Variants in SMAD3 observed in about 807,000 individuals in gnomAD.
SMAD3 encodes the protein MAD homolog 3.
In SMAD3, 12 loss-of-function variants were observed where a neutral mutation model predicts 51.8. The observed-to-expected ratio is 0.23, with a 90% CI of 0.15 to 0.38. SMAD3 has a LOEUF of 0.38. Among genes scored for constraint, SMAD3 ranks in the 10% least tolerant of loss-of-function variants. SMAD3 has a pLI of 1.00. For missense variants in SMAD3, 294 were observed against 565.6 expected (o/e 0.52, Z 4.87); for synonymous variants, 238 against 227.7 (o/e 1.05, Z -0.41).
intron 1 of SMAD3, among the ~76,000 whole-genome samples, chr15:67,149,465 A>T (rs554405449): frequency 2.6e-5 from 4 of 152,234 alleles, no homozygotes; most frequent in African/African-American, 9.6e-5. Context: ...TTAGGGATGC[A>T]GCTTTCAGAC....
chr15:67,109,415 T>C (rs934220945), intron 1 of SMAD3, among the ~76,000 whole-genome samples: 1 of 152,138 alleles, frequency 6.6e-6, no homozygotes, highest in African/African-American at 2.4e-5. Flanking sequence ...GTGGACCTCG[T>C]GGCCTGAGAG....
intron 1 of SMAD3, among the ~76,000 whole-genome samples, chr15:67,088,125 G>A (rs756816466): frequency 6.6e-5 from 10 of 152,204 alleles, no homozygotes; most frequent in Non-Finnish European, 1.5e-4. Context: ...CACCTTTATC[G>A]CAGGAGGAGT....
At position 67,141,743 on chromosome 15, in the gene SMAD3, G is replaced by A. The variant is rs75866685; in HGVS notation, c.207-23152G>A. Among the ~76,000 whole-genome samples the A allele has an allele frequency of 5.4e-3, 816 of 152,230 alleles. 6 individuals are homozygous for A. The highest frequency in any genetic ancestry group is 6.7e-3 in the Non-Finnish European group (455 of 68,004). On this transcript the variant is annotated intron_variant, in intron 1 of 8. Transcript: ENST00000327367. Reference sequence around the variant, plus strand: ...CTGTTTTTCATTACCTGGAAAGTCCGATACCTTGAGTCCACCCCCCATACA... The same window carrying A: ...CTGTTTTTCATTACCTGGAAAGTCCAATACCTTGAGTCCACCCCCCATACA...
chr15:67,074,059 ACT>A (rs1411775659), intron 1 of SMAD3, among the ~76,000 whole-genome samples: 1 of 152,174 alleles, frequency 6.6e-6, no homozygotes, highest in East Asian at 1.9e-4. Context: ...ATGTTCCAAG[ACT>A]CTATCAGCCT....
In SMAD3 at chr15:67,190,691, C is replaced by T. The variant is rs534838557; in HGVS notation, c.*155C>T. ...GCACCCACCTGTTTTCTGAAACACA[C>T]GAGCAAACCCAGAGGTGGATGTTAT... On this transcript the variant is annotated 3_prime_UTR_variant, in exon 9 of 9. Transcript: ENST00000327367. The T allele has an allele frequency of 2.4e-4, 175 of 739,056 alleles. No individual in the cohort carries two copies. The highest frequency in any genetic ancestry group is 1.8e-3 in the Admixed American group (84 of 45,630). The allele number at this position is 739,056 out of a possible 1,614,324, so 45.8% of individuals were successfully genotyped here.
At position 67,142,690 on chromosome 15, in the gene SMAD3, G is replaced by A. The variant is rs546921708; in HGVS notation, c.207-22205G>A. On this transcript the variant is annotated intron_variant, in intron 1 of 8. Coordinates refer to ENST00000327367, the MANE Select transcript of SMAD3 (RefSeq NM_005902.4). ...TAGAGGCGTCCAGAGGCCTGGTAAC[G>A]GCAGAGGCTGCTGGCATCTTAAGAC... 29 of 310,182 alleles carry A rather than the reference G, an allele frequency of 9.3e-5. No individual in the cohort carries two copies. In the East Asian group the frequency reaches 2.6e-3, roughly 27 times the overall value. The allele number at this position is 310,182 out of a possible 1,614,324, so 19.2% of individuals were successfully genotyped here. A position where few individuals can be genotyped will look rare whatever the true frequency, so the allele number is the denominator to read the frequency against.
At chr15:67,110,871 C>T (rs1960998053) in intron 1 of SMAD3, among the ~76,000 whole-genome samples, 1 of 152,160 alleles carries the variant, frequency 6.6e-6, no homozygotes, top group Admixed American at 6.5e-5. Flanking sequence ...CCCAGATGTC[C>T]GTAATGTTAA....
chr15:67,125,085 AG>A (rs1383751359), intron 1 of SMAD3, among the ~76,000 whole-genome samples: 4 of 152,132 alleles, frequency 2.6e-5, no homozygotes, highest in African/African-American at 9.7e-5. Context: ...AAAGGGAGGG[AG>A]GGAGTCATGG....
intron 1 of SMAD3, among the ~76,000 whole-genome samples, chr15:67,069,799 C>T (rs985765545): frequency 4.6e-5 from 7 of 152,040 alleles, no homozygotes; most frequent in South Asian, 2.1e-4. Context: ...CTCTGCCTCC[C>T]GGTTCAAGCG....
Position 67,193,966 on chromosome 15 carries a change from C to T in SMAD3, c.*3430C>T, listed in dbSNP as rs558843294. 3 of 233,304 alleles carry T rather than the reference C, an allele frequency of 1.3e-5. No homozygotes were observed. The highest frequency in any genetic ancestry group is 6.6e-5 in the African/African-American group (3 of 45,456). The allele number at this position is 233,304 out of a possible 1,614,324, so 14.5% of individuals were successfully genotyped here. A position where few individuals can be genotyped will look rare whatever the true frequency, so the allele number is the denominator to read the frequency against. ...TTAGCCTCAGGCCTCATGAGGGTCTCCACAGGGCCGGAGCTCAGGTTACAC... is the reference window on the plus strand; with the variant it reads ...TTAGCCTCAGGCCTCATGAGGGTCTTCACAGGGCCGGAGCTCAGGTTACAC... On this transcript the variant is annotated 3_prime_UTR_variant, in exon 9 of 9. Transcript: ENST00000327367.
intron 1 of SMAD3, among the ~76,000 whole-genome samples, chr15:67,081,785 G>C (rs1325802907): frequency 3.3e-5 from 5 of 152,058 alleles, no homozygotes; most frequent in East Asian, 1.9e-4. Flanking sequence ...GGAGCCTCCT[G>C]GTATCTTGTT....
chr15:67,109,883 C>T (rs560145533), intron 1 of SMAD3, among the ~76,000 whole-genome samples: 4 of 152,318 alleles, frequency 2.6e-5, no homozygotes, highest in African/African-American at 7.2e-5. Flanking sequence ...TCCTCCTCCA[C>T]GGCCCACTTC....
intron 1 of SMAD3, among the ~76,000 whole-genome samples, chr15:67,066,581 C>T (rs1959924836): frequency 6.6e-6 from 1 of 152,220 alleles, no homozygotes; most frequent in Admixed American, 6.5e-5. Flanking sequence ...CCCGAGGCTT[C>T]CACGCGGCAC....
At chr15:67,117,094 C>T (rs1961152122) in intron 1 of SMAD3, among the ~76,000 whole-genome samples, 1 of 152,194 alleles carries the variant, frequency 6.6e-6, no homozygotes. Flanking sequence ...TATGTCTCTG[C>T]CTCCCCTTGT....
chr15:67,171,989 CT>C (rs1962763926), intron 5 of SMAD3, among the ~76,000 whole-genome samples: 1 of 152,196 alleles, frequency 6.6e-6, no homozygotes, highest in Non-Finnish European at 1.5e-5. Context: ...CAAGGTAGCA[CT>C]TTTAGTCAAC....
chr15:67,178,107 G>A (rs1962955352), intron 5 of SMAD3, among the ~76,000 whole-genome samples: 2 of 152,152 alleles, frequency 1.3e-5, no homozygotes, highest in South Asian at 2.1e-4. Context: ...AACACTGTCC[G>A]GTGTGTGTCT....
intron 1 of SMAD3, among the ~76,000 whole-genome samples, chr15:67,141,568 C>T (rs1285161592): frequency 6.6e-6 from 1 of 152,156 alleles, no homozygotes; most frequent in Non-Finnish European, 1.5e-5. Flanking sequence ...AGAGAGAGTC[C>T]AGCCAGGGAC....
At chr15:67,141,438 G>T (rs1961818643) in intron 1 of SMAD3, among the ~76,000 whole-genome samples, 1 of 152,206 alleles carries the variant, frequency 6.6e-6, no homozygotes, top group Non-Finnish European at 1.5e-5. Flanking sequence ...GTTGGGGAAA[G>T]ACCTGGGTCC....
chr15:67,089,933 G>A (rs558296140), intron 1 of SMAD3, among the ~76,000 whole-genome samples: 6 of 152,326 alleles, frequency 3.9e-5, no homozygotes, highest in African/African-American at 1.4e-4. Context: ...GGAGCATTCG[G>A]TGGTCTAACC....
Sources: gnomAD v4.1 joint callset for allele counts (sites outside exome capture counted in the v4.1 genomes callset) on GRCh38, gnomAD v4.1.1 for gene constraint, MANE v1.5 for transcripts, NCBI Gene and HGNC (gene_info 2026-07-23, HGNC 2026-07-21) for gene names.